Variants in MILR1 observed in about 807,000 individuals in gnomAD.
MILR1 encodes the protein allergin-1.
A neutral mutation model predicts 18.5 loss-of-function variants in MILR1; 31 were observed. The observed-to-expected ratio is 1.68, with a 90% CI of 1.26 to 2.26. The LOEUF (loss-of-function observed/expected upper bound fraction) is 2.26, where lower values mean the gene tolerates loss of function less well. Ranked by LOEUF, MILR1 falls within the 30% of genes most tolerant of loss-of-function variation. The pLI is 0.00. For missense variants in MILR1, 257 were observed against 157.4 expected (o/e 1.63, Z -3.38); for synonymous variants, 85 against 56.2 (o/e 1.51, Z -2.30).
At chr17:64,488,547 GA>G in the MILR1 span, among the ~76,000 whole-genome samples, 1 of 151,188 alleles carries the variant, frequency 6.6e-6, no homozygotes, top group Admixed American at 6.6e-5. Flanking sequence ...TCATACAAAA[GA>G]AAAAAAAGAA....
At chr17:64,493,325 G>A in the MILR1 span, among the ~76,000 whole-genome samples, 2 of 152,062 alleles carry the variant, frequency 1.3e-5, no homozygotes, top group African/African-American at 2.4e-5. Context: ...AAGCTGGGAG[G>A]TGGATCACTT....
Position 64,452,750 on chromosome 17 carries a change from A to G in MILR1, c.251A>G (p.Glu84Gly). ...CTGGGAACCCAGGATGGAAAAGGTG[A>G]ACCTGCGATTTTTAACCTAAGCATC... ...THLGTQDGKGEPAIFNLSITE... is the reference protein window; with the variant it reads ...THLGTQDGKGGPAIFNLSITE... The change falls in exon 3 of 10, where the codon GAA (glutamate) becomes GGA (glycine). Residue 84 changes from glutamate to glycine, a missense_variant. Glu to Gly is a moderately conservative substitution (Grantham distance 98). Transcript: ENST00000619286. 2.1e-6 allele frequency: 1 copy of G among 475,322 alleles called. No individual in the cohort carries two copies. The highest frequency in any genetic ancestry group is 3.9e-6 in the Non-Finnish European group (1 of 259,028). The allele number at this position is 475,322 out of a possible 1,614,324, so 29.4% of individuals were successfully genotyped here. A position where few individuals can be genotyped will look rare whatever the true frequency, so the allele number is the denominator to read the frequency against.
intron 3 of MILR1, among the ~76,000 whole-genome samples, chr17:64,456,827 A>G (rs1409483456): frequency 6.6e-6 from 1 of 152,088 alleles, no homozygotes; most frequent in African/African-American, 2.4e-5. Flanking sequence ...ATTGAAAAGA[A>G]AATGATATTT....
chr17:64,453,612 G>A (rs1215932751), intron 3 of MILR1, among the ~76,000 whole-genome samples: 1 of 121,104 alleles, frequency 8.3e-6, no homozygotes, highest in Non-Finnish European at 1.6e-5. Flanking sequence ...CTTTCCCACC[G>A]CTTCCTTAGT....
intron 3 of MILR1, among the ~76,000 whole-genome samples, chr17:64,454,511 A>C (rs1006878506): frequency 1.3e-5 from 2 of 152,234 alleles, no homozygotes; most frequent in Non-Finnish European, 2.9e-5. Context: ...GATGTAGACC[A>C]TTCCCATCAT....
At chr17:64,461,895 T>C (rs2037440272) in intron 5 of MILR1, among the ~76,000 whole-genome samples, 1 of 152,190 alleles carries the variant, frequency 6.6e-6, no homozygotes, top group African/African-American at 2.4e-5. Context: ...TTCACTTCGA[T>C]TAATGTCCTC....
At chr17:64,482,973 G>A in the MILR1 span, 1 of 1,605,964 alleles carries the variant, frequency 6.2e-7, no homozygotes, top group South Asian at 1.1e-5. Flanking sequence ...CCTTAATAGG[G>A]GCTAAACAAG....
chr17:64,472,469 A>C (rs1048052040), downstream of MILR1, among the ~76,000 whole-genome samples: 3 of 121,572 alleles, frequency 2.5e-5, no homozygotes, highest in African/African-American at 4.8e-5. Context: ...CCATCTCAAA[A>C]AAAAAAAAAA....
At chr17:64,480,377 G>C in the MILR1 span, 1 of 1,557,156 alleles carries the variant, frequency 6.4e-7, no homozygotes, top group African/African-American at 1.4e-5. Flanking sequence ...TCATTAAATA[G>C]CCCTTGACAA....
intron 3 of MILR1, among the ~76,000 whole-genome samples, chr17:64,456,543 G>A (rs11656117): frequency 0.25 from 37,459 of 151,968 alleles, 4,812 homozygotes; most frequent in South Asian, 0.38. Flanking sequence ...GGGCATGGTG[G>A]CTCACACCTG....
At chr17:64,478,046 C>T in the MILR1 span, 2 of 1,566,610 alleles carry the variant, frequency 1.3e-6, no homozygotes, top group African/African-American at 2.7e-5. Context: ...TAAATTCCTC[C>T]ACGTTGCCAG....
the MILR1 span, chr17:64,477,751 A>C: frequency 4.2e-6 from 6 of 1,432,764 alleles, no homozygotes; most frequent in Non-Finnish European, 5.6e-6. Context: ...CAAAGGGGCT[A>C]GAAATAAATC....
intron 5 of MILR1, among the ~76,000 whole-genome samples, chr17:64,462,381 C>T (rs1485896062): frequency 6.6e-6 from 1 of 152,112 alleles, no homozygotes; most frequent in Non-Finnish European, 1.5e-5. Flanking sequence ...GAACAGTGTT[C>T]ATTTCGCACT....
At chr17:64,451,935 A>T (rs2037180282) in intron 2 of MILR1, among the ~76,000 whole-genome samples, 1 of 151,958 alleles carries the variant, frequency 6.6e-6, no homozygotes, top group Non-Finnish European at 1.5e-5. Flanking sequence ...CTGTCTCAAA[A>T]AAAAAAAAAA....
chr17:64,490,543 C>T, the MILR1 span: 4 of 479,054 alleles, frequency 8.3e-6, no homozygotes, highest in African/African-American at 5.9e-5. Context: ...ACATGAAAGA[C>T]AAGATCTTGG....
chr17:64,497,255 G>A, the MILR1 span, among the ~76,000 whole-genome samples: 1 of 152,246 alleles, frequency 6.6e-6, no homozygotes, highest in Non-Finnish European at 1.5e-5. Flanking sequence ...ACCAGTAAAG[G>A]TTATTCCCAC....
At chr17:64,491,958 A>G in the MILR1 span, among the ~76,000 whole-genome samples, 1 of 151,854 alleles carries the variant, frequency 6.6e-6, no homozygotes, top group Admixed American at 6.6e-5. Context: ...AACCAAAAAC[A>G]GACAACAAAA....
At chr17:64,453,831 G>A (rs1178071814) in intron 3 of MILR1, among the ~76,000 whole-genome samples, 3 of 152,092 alleles carry the variant, frequency 2.0e-5, no homozygotes, top group Non-Finnish European at 4.4e-5. Flanking sequence ...TCAAAGCGTA[G>A]GGACCCTGAC....
At chr17:64,452,905 A>G (rs2037206706) in intron 3 of MILR1, 39 bp downstream of exon 3, 3 of 471,216 alleles carry the variant, frequency 6.4e-6, no homozygotes, top group African/African-American at 2.0e-5. Flanking sequence ...CCTATAATTT[A>G]TAGGGTGCTT....
Sources: allele counts gnomAD v4.1 joint callset (sites outside exome capture counted in the v4.1 genomes callset), GRCh38; gene constraint gnomAD v4.1.1; transcripts MANE v1.5; gene names NCBI Gene and HGNC (gene_info 2026-07-23, HGNC 2026-07-21).